Variants in TMEM161B observed in about 807,000 individuals in gnomAD.
The protein encoded by TMEM161B is transmembrane protein 161B.
TMEM161B carries 34 observed loss-of-function variants against 61.8 expected under a neutral mutation model. The ratio of observed to expected loss-of-function variants is 0.55; its 90% CI spans 0.42 to 0.73. TMEM161B has a LOEUF of 0.73. Among genes scored for constraint, TMEM161B ranks in the 30% least tolerant of loss-of-function variants. TMEM161B has a pLI of 0.00. For missense variants in TMEM161B, 456 were observed against 558.5 expected (o/e 0.82, Z 1.85); for synonymous variants, 167 against 192.8 (o/e 0.87, Z 1.11).
chr5:88,189,155 C>T (rs1748552878), downstream of TMEM161B, among the ~76,000 whole-genome samples: 1 of 152,128 alleles, frequency 6.6e-6, no homozygotes, highest in Non-Finnish European at 1.5e-5. Flanking sequence ...TCCTGGGCTG[C>T]ATACCTTGTA....
In TMEM161B at chr5:88,195,413, A is replaced by C; in HGVS notation, c.*798T>G. On this transcript the variant is annotated 3_prime_UTR_variant, in exon 12 of 12. Coordinates refer to ENST00000296595, the MANE Select transcript of TMEM161B (RefSeq NM_153354.5). ...ACATACAGGTAGTCAGCAGGTTTAC[A>C]AAGTAATTTCTTTAAAGTCTGATCA... The C allele has an allele frequency of 1.7e-5, 16 of 918,098 alleles. No individual in the cohort carries two copies. The highest frequency in any genetic ancestry group is 1.9e-5 in the Non-Finnish European group (15 of 770,348). 56.9% of individuals were successfully genotyped at this position (918,098 alleles called of 1,614,324 possible). A position where few individuals can be genotyped will look rare whatever the true frequency, so the allele number is the denominator to read the frequency against.
At chr5:88,251,446 G>A (rs939044245) in intron 1 of TMEM161B, among the ~76,000 whole-genome samples, 11 of 152,054 alleles carry the variant, frequency 7.2e-5, no homozygotes, top group South Asian at 6.2e-4. Flanking sequence ...TCTTTCACTA[G>A]TCTTAAAAGG....
intron 11 of TMEM161B, 64 bp downstream of exon 11, chr5:88,197,604 CA>C (rs1158405080): frequency 1.5e-6 from 2 of 1,333,588 alleles, no homozygotes; most frequent in East Asian, 2.4e-5. Context: ...TTGTTGGTGA[CA>C]AAAAGCTTTA....
chr5:88,248,401 G>A (rs1185212011), intron 1 of TMEM161B, among the ~76,000 whole-genome samples: 2 of 151,908 alleles, frequency 1.3e-5, no homozygotes, highest in African/African-American at 4.8e-5. Flanking sequence ...AAAGTATATC[G>A]CCTACCTAGC....
intron 5 of TMEM161B, among the ~76,000 whole-genome samples, chr5:88,215,365 A>G (rs1439500221): frequency 6.6e-6 from 1 of 152,202 alleles, no homozygotes; most frequent in Non-Finnish European, 1.5e-5. Context: ...AGGTTATGTT[A>G]TAACTAAAGA....
At chr5:88,232,430 A>G (rs1466444004) in intron 2 of TMEM161B, among the ~76,000 whole-genome samples, 2 of 152,256 alleles carry the variant, frequency 1.3e-5, no homozygotes, top group Admixed American at 1.3e-4. Context: ...CATATAAAAG[A>G]AAATGATCCA....
At chr5:88,233,796 T>C (rs1751394361) in intron 2 of TMEM161B, among the ~76,000 whole-genome samples, 1 of 151,610 alleles carries the variant, frequency 6.6e-6, no homozygotes, top group African/African-American at 2.4e-5. Context: ...AAATGCTGAG[T>C]TTTAAGTACC....
At chr5:88,223,610 A>G (rs899265791) in intron 4 of TMEM161B, among the ~76,000 whole-genome samples, 1 of 152,142 alleles carries the variant, frequency 6.6e-6, no homozygotes, top group Non-Finnish European at 1.5e-5. Context: ...TAAATGGGCC[A>G]GGTGCAGTGG....
chr5:88,228,068 C>T (rs946061752), intron 3 of TMEM161B, among the ~76,000 whole-genome samples: 5 of 152,118 alleles, frequency 3.3e-5, no homozygotes, highest in African/African-American at 1.2e-4. Context: ...AGGCCAAGAG[C>T]AGGTTAATTT....
intron 2 of TMEM161B, 26 bp from the exon 3 acceptor site, chr5:88,228,554 A>G (rs372476543): frequency 1.7e-5 from 26 of 1,503,958 alleles, no homozygotes; most frequent in Non-Finnish European, 2.3e-5. Context: ...ATTCTTTTAA[A>G]TAAAGCGCTT....
chr5:88,205,986 A>G, intron 7 of TMEM161B, 32 bp from the exon 8 acceptor site: 1 of 1,438,890 alleles, frequency 6.9e-7, no homozygotes, highest in Non-Finnish European at 9.5e-7. Context: ...AAGCTGATAA[A>G]TTTTTATAAT....
At chr5:88,222,641 G>A (rs1749213094) in intron 4 of TMEM161B, among the ~76,000 whole-genome samples, 1 of 152,076 alleles carries the variant, frequency 6.6e-6, no homozygotes, top group South Asian at 2.1e-4. Flanking sequence ...CTTCTTCCAC[G>A]TAACTCACTC....
rs141072029 is a variant in TMEM161B at position 88,231,163 on chromosome 5, G to A, written c.108-2635C>T. On this transcript the variant is annotated intron_variant, in intron 2 of 11. Transcript: ENST00000296595. The stretch of plus-strand genomic sequence containing the variant: ...CTCTTTCCCAGAACTTACCCTATGC[G>A]CTTTCTTTAAATAATACTGTAATAA... Among the ~76,000 whole-genome samples the A allele has an allele frequency of 2.9e-3, 445 of 152,242 alleles. 3 individuals are homozygous for A. The highest frequency in any genetic ancestry group is 0.01 in the Middle Eastern group (3 of 294).
intron 2 of TMEM161B, among the ~76,000 whole-genome samples, chr5:88,228,923 A>T (rs1465482198): frequency 1.3e-5 from 2 of 152,190 alleles, no homozygotes; most frequent in Non-Finnish European, 2.9e-5. Context: ...TTAAAAAGAG[A>T]GGTGTTTGAA....
intron 6 of TMEM161B, 123 bp from the exon 7 acceptor site, chr5:88,206,622 CTCTT>C (rs1425260611): frequency 1.0e-6 from 1 of 961,224 alleles, no homozygotes; most frequent in African/African-American, 1.7e-5. Context: ...ACTAGCTTAG[CTCTT>C]TCATGTGTTA....
intron 1 of TMEM161B, among the ~76,000 whole-genome samples, chr5:88,261,225 G>A (rs757815515): frequency 2.0e-5 from 3 of 151,904 alleles, no homozygotes; most frequent in African/African-American, 4.8e-5. Context: ...AATATGCCAA[G>A]ACCTGTATGA....
chr5:88,240,668 T>A (rs895634411), intron 2 of TMEM161B, 145 bp downstream of exon 2: 11 of 660,682 alleles, frequency 1.7e-5, no homozygotes, highest in African/African-American at 3.8e-5. Context: ...AAAAAAAAAA[T>A]TAATTTTTTA....
chr5:88,256,503 T>C (rs1755003033), intron 1 of TMEM161B, among the ~76,000 whole-genome samples: 1 of 152,234 alleles, frequency 6.6e-6, no homozygotes, highest in Admixed American at 6.5e-5. Context: ...ATGTTTGACA[T>C]GTACAAATCA....
rs138738197 is a variant in TMEM161B, at chr5:88,250,377, T to G, written c.4-9461A>C. Among the ~76,000 whole-genome samples the G allele has an allele frequency of 6.1e-3, 928 of 152,190 alleles. 10 individuals are homozygous for G. The highest frequency in any genetic ancestry group is 0.021 in the African/African-American group (883 of 41,518). Reference sequence around the variant, plus strand: ...GAAAAATCATCCTTTTTCCATTTCATAGAACTATAAAAAGCCTATCATTAA... The same window carrying G: ...GAAAAATCATCCTTTTTCCATTTCAGAGAACTATAAAAAGCCTATCATTAA... On this transcript the variant is annotated intron_variant, in intron 1 of 11. Coordinates refer to ENST00000296595, the MANE Select transcript of TMEM161B (RefSeq NM_153354.5).
Sources: gnomAD v4.1 joint callset for allele counts (sites outside exome capture counted in the v4.1 genomes callset) on GRCh38, gnomAD v4.1.1 for gene constraint, MANE v1.5 for transcripts, NCBI Gene and HGNC (gene_info 2026-07-23, HGNC 2026-07-21) for gene names.